ANGPT2: variants seen among roughly 807,000 people sequenced by gnomAD.
ANGPT2 encodes the protein angiopoietin-2.
In ANGPT2, 28 loss-of-function variants were observed where a neutral mutation model predicts 62.9. That is an observed-to-expected ratio of 0.44 (90% CI 0.33 to 0.61). The LOEUF (loss-of-function observed/expected upper bound fraction) is 0.61, where lower values mean the gene tolerates loss of function less well. Among genes scored for constraint, ANGPT2 ranks in the 20% least tolerant of loss-of-function variants. The pLI is 0.03. For missense variants in ANGPT2, 727 were observed against 594.9 expected (o/e 1.22, Z -2.31); for synonymous variants, 284 against 207.8 (o/e 1.37, Z -3.15).
chr8:6,524,642 A>G (rs1344364019), intron 3 of ANGPT2, among the ~76,000 whole-genome samples: 4 of 152,246 alleles, frequency 2.6e-5, no homozygotes, highest in Non-Finnish European at 5.9e-5. Context: ...AAATCAAGAA[A>G]TGAAAGCATC....
chr8:6,516,939 C>T (rs528592518), intron 5 of ANGPT2, among the ~76,000 whole-genome samples: 11 of 152,076 alleles, frequency 7.2e-5, no homozygotes, highest in Non-Finnish European at 1.2e-4. Flanking sequence ...TATGAGTATT[C>T]GCTTTGATTC....
chr8:6,553,087 A>G (rs547865929), intron 1 of ANGPT2, among the ~76,000 whole-genome samples: 3 of 152,224 alleles, frequency 2.0e-5, no homozygotes, highest in African/African-American at 7.2e-5. Flanking sequence ...CCAGATGTCA[A>G]CTGCGGGCTC....
At chr8:6,510,483 A>T (rs892012393) in intron 7 of ANGPT2, among the ~76,000 whole-genome samples, 2 of 152,344 alleles carry the variant, frequency 1.3e-5, no homozygotes, top group South Asian at 4.1e-4. Flanking sequence ...GAATACAAAG[A>T]AGAGAGAAAA....
chr8:6,509,720 A>G (rs1241164800), intron 7 of ANGPT2, among the ~76,000 whole-genome samples: 1 of 152,182 alleles, frequency 6.6e-6, no homozygotes, highest in Non-Finnish European at 1.5e-5. Context: ...TCTGTTGAAA[A>G]TGTTGTATAT....
chr8:6,528,680 C>G (rs78177277), intron 2 of ANGPT2, among the ~76,000 whole-genome samples: 1 of 152,250 alleles, frequency 6.6e-6, no homozygotes, highest in Non-Finnish European at 1.5e-5. Flanking sequence ...CAGGAAGAAT[C>G]GACTACTCAC....
At chr8:6,505,355 C>A (rs369686444) in intron 8 of ANGPT2, among the ~76,000 whole-genome samples, 450 of 39,400 alleles carry the variant, frequency 0.011, 17 homozygotes, top group Middle Eastern at 0.033. Context: ...TATATTCTTT[C>A]TATATGTATA....
chr8:6,544,644 G>A (rs780681621), intron 1 of ANGPT2, among the ~76,000 whole-genome samples: 9 of 152,136 alleles, frequency 5.9e-5, no homozygotes, highest in African/African-American at 1.7e-4. Context: ...GAAATGAAGC[G>A]CAAGCACATA....
intron 3 of ANGPT2, among the ~76,000 whole-genome samples, chr8:6,521,756 C>T (rs750318226): frequency 1.2e-4 from 18 of 152,170 alleles, no homozygotes; most frequent in Non-Finnish European, 2.6e-4. Flanking sequence ...AAGCTTAGTG[C>T]TCATGAAGTG....
chr8:6,514,438 C>A (rs1035004423), intron 6 of ANGPT2, among the ~76,000 whole-genome samples: 4 of 152,162 alleles, frequency 2.6e-5, no homozygotes, highest in Non-Finnish European at 5.9e-5. Context: ...ATCCATCTGC[C>A]TCGGCCTCCC....
At chr8:6,527,487 T>C (rs1818549622) in intron 3 of ANGPT2, 68 bp downstream of exon 3, 4 of 1,561,844 alleles carry the variant, frequency 2.6e-6, no homozygotes, top group African/African-American at 2.7e-5. Flanking sequence ...AATTCATCAT[T>C]TGAGACCGAC....
chr8:6,516,556 G>C (rs546670870), intron 5 of ANGPT2, among the ~76,000 whole-genome samples: 16 of 152,238 alleles, frequency 1.1e-4, no homozygotes, highest in Admixed American at 5.2e-4. Flanking sequence ...GAATAATACT[G>C]CCTCTTATTT....
At chr8:6,504,498 G>C (rs1443002839) in intron 8 of ANGPT2, among the ~76,000 whole-genome samples, 1 of 152,034 alleles carries the variant, frequency 6.6e-6, no homozygotes, top group African/African-American at 2.4e-5. Flanking sequence ...TTGGTTATTA[G>C]ATCGATTGTC....
chr8:6,550,735 T>G (rs893006126), intron 1 of ANGPT2, among the ~76,000 whole-genome samples: 1 of 152,228 alleles, frequency 6.6e-6, no homozygotes, highest in Non-Finnish European at 1.5e-5. Context: ...TATCAGAGTT[T>G]TGCGGCCTGT....
chr8:6,510,395 G>A (rs10112566), intron 7 of ANGPT2, among the ~76,000 whole-genome samples: 31 of 152,172 alleles, frequency 2.0e-4, no homozygotes, highest in African/African-American at 7.2e-4. Context: ...CCAAGATGAT[G>A]CCCTTCTTTG....
chr8:6,527,074 C>T (rs942859022), intron 3 of ANGPT2, among the ~76,000 whole-genome samples: 1 of 152,150 alleles, frequency 6.6e-6, no homozygotes, highest in African/African-American at 2.4e-5. Flanking sequence ...AAGCTAAGTC[C>T]CCAAGGGCAA....
At chr8:6,558,431 T>C (rs1825000090) in intron 1 of ANGPT2, among the ~76,000 whole-genome samples, 1 of 152,222 alleles carries the variant, frequency 6.6e-6, no homozygotes, top group Non-Finnish European at 1.5e-5. Context: ...CAATTTTAAA[T>C]GTACAAAATT....
At chr8:6,530,038 C>T (rs1819166579) in intron 2 of ANGPT2, among the ~76,000 whole-genome samples, 1 of 151,670 alleles carries the variant, frequency 6.6e-6, no homozygotes, top group Admixed American at 6.6e-5. Context: ...TGCCAAGTTC[C>T]CATGCTTGGA....
chr8:6,537,706 G>A lies in ANGPT2; in HGVS notation c.289-5219C>T, dbSNP rs118189709. Among the ~76,000 whole-genome samples the A allele has an allele frequency of 4.0e-3, 613 of 152,062 alleles. 6 individuals are homozygous for A. Among genetic ancestry groups the A allele is most frequent in the East Asian group, 0.022 (113 of 5,180 alleles). On this transcript the variant is annotated intron_variant, in intron 1 of 8. Coordinates refer to ENST00000629816, the MANE Select transcript of ANGPT2 (RefSeq NM_001118887.2). Reference sequence around the variant, plus strand: ...TGGCAGATTGATTACACATTTAAAAGTTTATCTGGCTATCTTCCTTCTCAC... The same window carrying A: ...TGGCAGATTGATTACACATTTAAAAATTTATCTGGCTATCTTCCTTCTCAC...
In ANGPT2 at chr8:6,505,365, AT is replaced by A. The variant is rs1813276070; in HGVS notation, c.1328-2105del. ...ATATATATATTCTTTCTATATGTAT[AT>A]AGAATATATATATTCTTTCTATATG... On this transcript the variant is annotated intron_variant, in intron 8 of 8. Coordinates refer to ENST00000629816, the MANE Select transcript of ANGPT2 (RefSeq NM_001118887.2). Among the ~76,000 whole-genome samples the A allele has an allele frequency of 2.5e-5, 2 of 79,968 alleles. 1 individual carries two copies. The highest frequency in any genetic ancestry group is 1.1e-4 in the African/African-American group (2 of 18,442). The allele number at this position is 79,968 out of a possible 152,430, so 52.5% of individuals were successfully genotyped here. A position where few individuals can be genotyped will look rare whatever the true frequency, so the allele number is the denominator to read the frequency against.
Sources: gnomAD v4.1 joint callset for allele counts (sites outside exome capture counted in the v4.1 genomes callset) on GRCh38, gnomAD v4.1.1 for gene constraint, MANE v1.5 for transcripts, NCBI Gene and HGNC (gene_info 2026-07-23, HGNC 2026-07-21) for gene names.